The following SNRPN variants were observed in gnomAD, a reference collection of about 807,000 sequenced individuals.
The protein encoded by SNRPN is small nuclear ribonucleoprotein-associated protein N.
Under a neutral mutation model 25.2 loss-of-function variants are expected in SNRPN, and 7 were observed. The observed-to-expected ratio is 0.28, with a 90% CI of 0.16 to 0.52. The LOEUF (loss-of-function observed/expected upper bound fraction) is 0.52, where lower values mean the gene tolerates loss of function less well. Ranked by LOEUF, SNRPN falls within the 20% of genes least tolerant of loss-of-function variation. SNRPN has a pLI of 0.96. For missense variants in SNRPN, 196 were observed against 322.5 expected, an observed-to-expected ratio of 0.61 and a Z score of 3.00; for synonymous variants, 124 against 110.6, an observed-to-expected ratio of 1.12 and a Z score of -0.76.
chr15:24,958,486 GT>G (rs71127030), intron 1 of SNRPN, among the ~76,000 whole-genome samples: 1,025 of 65,078 alleles, frequency 0.016, 3 homozygotes, highest in East Asian at 0.028. Flanking sequence ...CTGGCTCAAA[GT>G]TTTTTTTTTT....
chr15:24,907,385 CAGG>C (rs2058878681), intron 2 of SNRPN, among the ~76,000 whole-genome samples: 1 of 151,974 alleles, frequency 6.6e-6, no homozygotes, highest in African/African-American at 2.4e-5. Flanking sequence ...ATCACAAGGT[CAGG>C]AGATCGAGAC....
chr15:24,877,661 AACACACACACACACACACAC>A (rs72120147), intron 1 of SNRPN, among the ~76,000 whole-genome samples: 16 of 144,762 alleles, frequency 1.1e-4, no homozygotes, highest in African/African-American at 3.8e-4. Flanking sequence ...ATCTCTACAA[AACACACACACACACACACAC>A]ACACACACAC....
chr15:24,962,902 ATTG>A lies in SNRPN; in HGVS notation c.-295+696_-295+698del, dbSNP rs566802138. On this transcript the variant is annotated intron_variant, in intron 2 of 9. Transcript: ENST00000390687. ...AGGTAGCATTTTTTTCTTAGCTACAATTGTTTTTTTTAATTATAAGTATTAAAA... is the reference window on the plus strand; with the variant it reads ...AGGTAGCATTTTTTTCTTAGCTACAATTTTTTTTAATTATAAGTATTAAAA... Among the ~76,000 whole-genome samples, 60 of 152,264 alleles carry A rather than the reference ATTG, an allele frequency of 3.9e-4. 1 individual carries two copies. The highest frequency in any genetic ancestry group is 1.3e-3 in the African/African-American group (56 of 41,578).
chr15:24,974,705 TG>T, intron 4 of SNRPN: 1 of 609,864 alleles, frequency 1.6e-6, no homozygotes, highest in African/African-American at 1.9e-5. Context: ...ACTGCAACCC[TG>T]GGTTCAAGAG....
At chr15:24,928,913 T>G (rs1262103573) in intron 3 of SNRPN, among the ~76,000 whole-genome samples, 7 of 152,094 alleles carry the variant, frequency 4.6e-5, no homozygotes, top group Admixed American at 3.9e-4. Flanking sequence ...CAGCTCCAAT[T>G]TTTAGATACT....
rs533449806 is a variant in SNRPN, at chr15:24,956,547, C to T, written c.-391+1485C>T. On this transcript the variant is annotated intron_variant, in intron 1 of 9. Transcript: ENST00000390687. ...TGGGAAAGGATGCAGGTTGCGCAGACGCAGCAGAGGTGACAGTCGCCTCCG... is the reference window on the plus strand; with the variant it reads ...TGGGAAAGGATGCAGGTTGCGCAGATGCAGCAGAGGTGACAGTCGCCTCCG... 3.3e-4 allele frequency among the ~76,000 whole-genome samples: 50 copies of T among 152,328 alleles called. 1 individual carries two copies. The South Asian group carries it at 8.7e-3, about 27-fold the overall frequency.
intron 1 of SNRPN, among the ~76,000 whole-genome samples, chr15:24,859,235 G>T (rs4906923): frequency 0.46 from 70,680 of 152,018 alleles, 17,245 homozygotes; most frequent in East Asian, 0.87. Context: ...AAGTAAAATT[G>T]CTTTGCTAAG....
chr15:24,892,924 A>G (rs952642779), intron 2 of SNRPN, among the ~76,000 whole-genome samples: 1 of 151,834 alleles, frequency 6.6e-6, no homozygotes, highest in Non-Finnish European at 1.5e-5. Flanking sequence ...AATTGTTCCT[A>G]TTGGCTGGGT....
intron 3 of SNRPN, among the ~76,000 whole-genome samples, chr15:24,939,274 C>G (rs1218008822): frequency 6.6e-6 from 1 of 152,094 alleles, no homozygotes; most frequent in Non-Finnish European, 1.5e-5. Context: ...AGTAGCCATC[C>G]AAATGGGTGT....
At chr15:24,959,337 T>G (rs917274988) in intron 1 of SNRPN, among the ~76,000 whole-genome samples, 2 of 152,104 alleles carry the variant, frequency 1.3e-5, no homozygotes, top group African/African-American at 4.8e-5. Context: ...TAAAAATAAG[T>G]AGATTTAAGC....
intron 2 of SNRPN, among the ~76,000 whole-genome samples, chr15:24,907,912 G>T (rs1012037949): frequency 2.0e-5 from 3 of 151,824 alleles, no homozygotes; most frequent in African/African-American, 7.3e-5. Context: ...AATTAGCTGG[G>T]CATGGTGGTG....
chr15:24,974,385 A>G lies in SNRPN; in HGVS notation c.-69A>G. On this transcript the variant is annotated 5_prime_UTR_variant, in exon 4 of 10. It adds an upstream start codon to the 5' untranslated region. Coordinates refer to ENST00000390687, the MANE Select transcript of SNRPN (RefSeq NM_003097.6). The stretch of plus-strand genomic sequence containing the variant: ...GAACCTGCGTCATACCTTTATCTAT[A>G]GCCTTCCCCTAGGTCTTCAGAAGCA... 1 of 1,473,406 alleles carries G rather than the reference A, an allele frequency of 6.8e-7. No individual in the cohort carries two copies. Among genetic ancestry groups the G allele is most frequent in the Non-Finnish European group, 9.5e-7 (1 of 1,051,824 alleles). The allele number at this position is 1,473,406 out of a possible 1,614,324, so 91.3% of individuals were successfully genotyped here.
At chr15:24,950,181 CTTT>C (rs751256610), upstream of SNRPN, among the ~76,000 whole-genome samples, 1 of 144,372 alleles carries the variant, frequency 6.9e-6, no homozygotes, top group Non-Finnish European at 1.5e-5. Flanking sequence ...CAGTTTTTAA[CTTT>C]TTTTTTTTTT....
At chr15:24,966,068 C>T (rs1478524595) in intron 2 of SNRPN, among the ~76,000 whole-genome samples, 1 of 152,128 alleles carries the variant, frequency 6.6e-6, no homozygotes, top group South Asian at 2.1e-4. Flanking sequence ...GCAATTCTGA[C>T]TACTTGGAGT....
intron 1 of SNRPN, among the ~76,000 whole-genome samples, chr15:24,955,980 G>C (rs1272185254): frequency 6.6e-6 from 1 of 152,000 alleles, no homozygotes; most frequent in Non-Finnish European, 1.5e-5. Context: ...TAATTTTCCT[G>C]TGACCTGCGA....
intron 3 of SNRPN, among the ~76,000 whole-genome samples, chr15:24,969,637 C>T (rs1250091312): frequency 2.0e-5 from 3 of 150,978 alleles, no homozygotes; most frequent in Admixed American, 6.6e-5. Flanking sequence ...CTTCTCAGTT[C>T]AGTTCACAGA....
intron 3 of SNRPN, among the ~76,000 whole-genome samples, chr15:24,943,111 T>G (rs2061659888): frequency 6.6e-6 from 1 of 152,042 alleles, no homozygotes; most frequent in East Asian, 1.9e-4. Flanking sequence ...TCACCAATTT[T>G]CCAATCATGC....
At position 24,840,641 on chromosome 15, in the gene SNRPN, C is replaced by T. The variant is rs188905393; in HGVS notation, c.-579+10736C>T. Among the ~76,000 whole-genome samples the T allele has an allele frequency of 4.7e-3, 710 of 152,292 alleles. 6 individuals are homozygous for T. Among genetic ancestry groups the T allele is most frequent in the African/African-American group, 0.016 (674 of 41,576 alleles). The stretch of plus-strand genomic sequence containing the variant: ...ACCTTGACTCTGGGTGCCAGAAGAA[C>T]CCCCATGTGAGATGCATGTTGTCTC... On this transcript the variant is annotated intron_variant, in intron 2 of 12. Coordinates refer to the SNRPN transcript ENST00000400100.
chr15:24,977,205 A>G (rs1472881043), intron 7 of SNRPN, among the ~76,000 whole-genome samples, 176 bp downstream of exon 7: 1 of 152,230 alleles, frequency 6.6e-6, no homozygotes, highest in African/African-American at 2.4e-5. Context: ...TAAAATGGTC[A>G]TTGGGTGATT....
Sources: allele counts gnomAD v4.1 joint callset (sites outside exome capture counted in the v4.1 genomes callset), GRCh38; gene constraint gnomAD v4.1.1; transcripts MANE v1.5; gene names NCBI Gene and HGNC (gene_info 2026-07-23, HGNC 2026-07-21).